BMPR1A: variants seen among roughly 807,000 people sequenced by gnomAD.
BMPR1A encodes bone morphogenetic protein receptor type-1A.
A neutral mutation model predicts 66.0 loss-of-function variants in BMPR1A; 7 were observed. The ratio of observed to expected loss-of-function variants is 0.11; its 90% CI spans 0.06 to 0.20. BMPR1A has a LOEUF of 0.20. BMPR1A is among the 10% of genes least tolerant of loss of function. The pLI is 1.00. For missense variants in BMPR1A, 408 were observed against 669.1 expected (o/e 0.61, Z 4.31); for synonymous variants, 200 against 229.7 (o/e 0.87, Z 1.17).
chr10:86,879,332 T>G (rs1842958504), intron 3 of BMPR1A, among the ~76,000 whole-genome samples: 1 of 152,208 alleles, frequency 6.6e-6, no homozygotes, highest in Non-Finnish European at 1.5e-5. Context: ...CCAACAGACT[T>G]CCTTCTAATC....
intron 1 of BMPR1A, among the ~76,000 whole-genome samples, chr10:86,771,009 T>C (rs1417059138): frequency 1.3e-5 from 2 of 152,214 alleles, no homozygotes; most frequent in African/African-American, 4.8e-5. Context: ...GCTGTCACAG[T>C]ACTATAGATG....
chr10:86,886,137 C>T (rs943896576), intron 3 of BMPR1A, among the ~76,000 whole-genome samples: 3 of 152,116 alleles, frequency 2.0e-5, no homozygotes, highest in Admixed American at 2.0e-4. Context: ...TGTAAATACA[C>T]GGGACTTGTG....
At position 86,855,358 on chromosome 10, in the gene BMPR1A, T is replaced by G. The variant is rs1307762809; in HGVS notation, c.-153+16379T>G. The G allele has an allele frequency of 9.4e-6, 8 of 852,584 alleles. No individual in the cohort carries two copies. The East Asian group carries it at 2.1e-4, about 22-fold the overall frequency. The allele number at this position is 852,584 out of a possible 1,614,324, so 52.8% of individuals were successfully genotyped here. Reference sequence around the variant, plus strand: ...TCTATTTGCCACTTCAGGACACACCTGCACTGAACTAGACACTGACTTAGA... The same window carrying G: ...TCTATTTGCCACTTCAGGACACACCGGCACTGAACTAGACACTGACTTAGA... On this transcript the variant is annotated intron_variant, in intron 2 of 12. Transcript: ENST00000372037.
intron 1 of BMPR1A, among the ~76,000 whole-genome samples, chr10:86,801,362 C>T (rs1488118527): frequency 6.6e-6 from 1 of 152,114 alleles, no homozygotes; most frequent in Non-Finnish European, 1.5e-5. Flanking sequence ...GTCTTGAACT[C>T]CTGGGCCCAC....
chr10:86,874,748 C>T (rs868642733), intron 2 of BMPR1A, among the ~76,000 whole-genome samples: 3 of 115,926 alleles, frequency 2.6e-5, no homozygotes, highest in African/African-American at 1.0e-4. Flanking sequence ...GATGGAGTCT[C>T]GCTCTGTCGT....
chr10:86,777,683 C>CT (rs1462507405), intron 1 of BMPR1A, among the ~76,000 whole-genome samples: 4 of 151,358 alleles, frequency 2.6e-5, no homozygotes, highest in South Asian at 2.1e-4. Flanking sequence ...ATCTCTAGAA[C>CT]TTTTTTTTTG....
At chr10:86,822,258 A>G (rs925872119) in intron 1 of BMPR1A, among the ~76,000 whole-genome samples, 2 of 152,080 alleles carry the variant, frequency 1.3e-5, no homozygotes, top group Admixed American at 6.5e-5. Flanking sequence ...AATGAATTCA[A>G]TTTTCCTTTT....
At chr10:86,762,989 C>T (rs535019337) in intron 1 of BMPR1A, among the ~76,000 whole-genome samples, 4 of 152,188 alleles carry the variant, frequency 2.6e-5, no homozygotes, top group East Asian at 1.9e-4. Flanking sequence ...CTCTACCTCC[C>T]GGGTTAAGCG....
intron 2 of BMPR1A, chr10:86,856,058 A>G (rs868762719): frequency 6.8e-6 from 4 of 588,022 alleles, no homozygotes; most frequent in Middle Eastern, 3.7e-4. Context: ...AAAAACTCAG[A>G]TGCTTCATAA....
At chr10:86,764,988 A>T (rs2132613923) in intron 1 of BMPR1A, among the ~76,000 whole-genome samples, 1 of 149,568 alleles carries the variant, frequency 6.7e-6, no homozygotes, top group African/African-American at 2.5e-5. Flanking sequence ...CTGTGGGAGG[A>T]TTGCTTGAGC....
chr10:86,825,334 G>A (rs1044307659), intron 1 of BMPR1A, among the ~76,000 whole-genome samples: 1 of 152,058 alleles, frequency 6.6e-6, no homozygotes, highest in Non-Finnish European at 1.5e-5. Flanking sequence ...TAAAGTCTTT[G>A]TGAATTATAT....
Position 86,906,928 on chromosome 10 carries a change from C to T in BMPR1A, c.531-5312C>T, listed in dbSNP as rs142211790. Among the ~76,000 whole-genome samples the T allele has an allele frequency of 5.5e-3, 830 of 152,006 alleles. 7 individuals are homozygous for T. Among genetic ancestry groups the T allele is most frequent in the Non-Finnish European group, 5.6e-3 (379 of 67,966 alleles). ...TTCTATTTACCTATTTTCAAATGCA[C>T]AGATTTTTTTTTTTCTTCACCTGTG... On this transcript the variant is annotated intron_variant, in intron 7 of 12. Coordinates refer to ENST00000372037, the MANE Select transcript of BMPR1A (RefSeq NM_004329.3).
In BMPR1A at chr10:86,925,721, CT is replaced by C. The variant is rs11450437; in HGVS notation, c.*2019del. 0.016 allele frequency: 1,849 copies of C among 116,992 alleles called. 9 individuals carry two copies. The highest frequency in any genetic ancestry group is 0.036 in the East Asian group (124 of 3,460). 7.2% of individuals were successfully genotyped at this position (116,992 alleles called of 1,614,324 possible). On this transcript the variant is annotated 3_prime_UTR_variant, in exon 13 of 13. Coordinates refer to ENST00000372037, the MANE Select transcript of BMPR1A (RefSeq NM_004329.3). ...CATAATCTTTAAAATCATTTGTCAT[CT>C]TTTTTTTTTTTTTTTTGAGACGGAG...
intron 3 of BMPR1A, among the ~76,000 whole-genome samples, chr10:86,883,920 G>A (rs1843029745): frequency 6.7e-6 from 1 of 149,842 alleles, no homozygotes; most frequent in Non-Finnish European, 1.5e-5. Flanking sequence ...TGTGGCCCAG[G>A]CTGGAGTGCA....
At chr10:86,858,011 A>C (rs976434743) in intron 2 of BMPR1A, among the ~76,000 whole-genome samples, 2 of 152,156 alleles carry the variant, frequency 1.3e-5, no homozygotes, top group Non-Finnish European at 2.9e-5. Flanking sequence ...CAAAGGAATT[A>C]GTTTCCACCT....
intron 1 of BMPR1A, among the ~76,000 whole-genome samples, chr10:86,793,642 C>T (rs1841663683): frequency 6.6e-6 from 1 of 152,106 alleles, no homozygotes; most frequent in Admixed American, 6.5e-5. Context: ...GCCACTGCGC[C>T]AGGCCTGACA....
chr10:86,785,626 G>A (rs145777563), intron 1 of BMPR1A, among the ~76,000 whole-genome samples: 4 of 152,082 alleles, frequency 2.6e-5, no homozygotes, highest in Non-Finnish European at 5.9e-5. Context: ...TTATGTGTCC[G>A]TTAGTTCCAG....
At chr10:86,901,800 TA>T (rs1417514191) in intron 7 of BMPR1A, among the ~76,000 whole-genome samples, 1 of 152,182 alleles carries the variant, frequency 6.6e-6, no homozygotes, top group African/African-American at 2.4e-5. Context: ...ATTTTCATAT[TA>T]AAATACTTTT....
At position 86,924,913 on chromosome 10, in the gene BMPR1A, A is replaced by G. The variant is rs546825674; in HGVS notation, c.*1194A>G. The G allele has an allele frequency of 4.9e-4, 113 of 232,202 alleles. No homozygotes were observed. The highest frequency in any genetic ancestry group is 1.5e-3 in the Admixed American group (27 of 17,784). The allele number at this position is 232,202 out of a possible 1,614,324, so 14.4% of individuals were successfully genotyped here. On this transcript the variant is annotated 3_prime_UTR_variant, in exon 13 of 13. Transcript: ENST00000372037. The stretch of plus-strand genomic sequence containing the variant: ...AATATATCAAATCCAGGACTTTGTT[A>G]ACTTCAGGTAAAAACTTCATTAGGG...
Sources: gnomAD v4.1 joint callset for allele counts (sites outside exome capture counted in the v4.1 genomes callset) on GRCh38, gnomAD v4.1.1 for gene constraint, MANE v1.5 for transcripts, NCBI Gene and HGNC (gene_info 2026-07-23, HGNC 2026-07-21) for gene names.